ANK1: variants seen among roughly 807,000 people sequenced by gnomAD.
ANK1 encodes ankyrin-1.
ANK1 carries 51 observed loss-of-function variants against 210.4 expected under a neutral mutation model. The ratio of observed to expected loss-of-function variants is 0.24; its 90% confidence interval spans 0.19 to 0.31. The LOEUF is 0.31. Ranked by LOEUF, ANK1 falls within the 10% of genes least tolerant of loss-of-function variation. The probability of loss-of-function intolerance (pLI) is 1.00; values close to 1 mark genes in which losing one functional copy is unlikely to be tolerated. For synonymous variants in ANK1, 967 were observed against 1,025.9 expected (o/e 0.94, Z 1.10); for missense variants, 2,051 against 2,504.4 (o/e 0.82, Z 3.86).
intron 1 of ANK1, among the ~76,000 whole-genome samples, chr8:41,862,660 C>CAAAA (rs60114930): frequency 3.0e-5 from 3 of 99,640 alleles, no homozygotes; most frequent in Non-Finnish European, 6.5e-5. Context: ...GAGGCTCAGA[C>CAAAA]AAAAAAAAAA....
chr8:41,655,828 GTT>G, intron 42 of ANK1, 75 bp from the exon 43 acceptor site: 1 of 1,522,146 alleles, frequency 6.6e-7, no homozygotes, highest in East Asian at 2.3e-5. Context: ...CACACACAGA[GTT>G]TTGTGCTGGC....
At position 41,690,294 on chromosome 8, in the gene ANK1, G is replaced by A. The variant is rs886062939; in HGVS notation, c.4037C>T (p.Ala1346Val). 20 of 1,614,110 alleles carry A rather than the reference G, an allele frequency of 1.2e-5. No individual in the cohort carries two copies. The highest frequency in any genetic ancestry group is 1.6e-4 in the Middle Eastern group (1 of 6,084). The change falls in exon 33 of 43, where the codon GCG becomes GTG. Residue 1346 changes from alanine (A) to valine (V), a missense_variant. This residue lies in a region of ANK1 where 1,413 missense variants were observed against 1,707.4 expected (regional missense o/e 0.83). Coordinates refer to ENST00000289734, the MANE Select transcript of ANK1 (RefSeq NM_000037.4). ...PGGSLSFLRK[A>V]MKYEDTQHIL... is the part of the protein sequence containing the mutation. ...GTGCTGGGTGTCCTCGTACTTCATC[G>A]CCTTGCGCAGAAACGACAGGGACCC...
rs1262128295 is a variant in ANK1 at position 41,727,274 on chromosome 8, T to G, written c.402A>C (p.Gly134=). ...LEVVKFLLEN[G]ANQNVATEDG... ...CTTCTGTGGCTACATTCTGGTTAGC[T>G]CCATTTTCCAGTAAAAACTTAACCA... The change falls in exon 5 of 43, where the codon GGA becomes GGC. Residue 134 remains glycine, a synonymous_variant. Transcript: ENST00000289734. 1 of 1,614,188 alleles carries G rather than the reference T, an allele frequency of 6.2e-7. No individual in the cohort carries two copies. The highest frequency in any genetic ancestry group is 1.1e-5 in the South Asian group (1 of 91,082).
At chr8:41,788,967 A>T (rs923235444) in intron 1 of ANK1, 1 of 152,044 alleles carries the variant, frequency 6.6e-6, no homozygotes, top group Non-Finnish European at 1.5e-5. Context: ...TCTCCCAAAC[A>T]CACAAGCCAC....
At chr8:41,695,430 C>G in intron 26 of ANK1, 99 bp from the exon 27 acceptor site, 1 of 1,552,332 alleles carries the variant, frequency 6.4e-7, no homozygotes, top group Non-Finnish European at 8.8e-7. Flanking sequence ...ATGGATAAGG[C>G]ACTTCCGCAG....
intron 2 of ANK1, among the ~76,000 whole-genome samples, chr8:41,737,170 G>A (rs775569432): frequency 1.3e-5 from 2 of 152,070 alleles, no homozygotes; most frequent in Non-Finnish European, 2.9e-5. Context: ...GTGGTGACAC[G>A]CGTCTGTAGT....
chr8:41,804,199 G>T (rs1464134162), intron 1 of ANK1, among the ~76,000 whole-genome samples: 1 of 152,132 alleles, frequency 6.6e-6, no homozygotes, highest in Non-Finnish European at 1.5e-5. Flanking sequence ...ATCCTCAGAT[G>T]GCTGCTGGCA....
Position 41,661,991 on chromosome 8 carries a change from G to A in ANK1, c.5479-50C>T, listed in dbSNP as rs368867758. 1.8e-5 allele frequency: 29 copies of A among 1,596,142 alleles called. No homozygotes were observed. The East Asian group carries it at 5.6e-4, about 31-fold the overall frequency. ...AGGGCTGGTCAGGCCGGGCTCGGGG[G>A]CTCATGTCTGTAATCTCAGCACTTT... On this transcript the variant is annotated intron_variant, in intron 40 of 42. Coordinates refer to ENST00000289734, the MANE Select transcript of ANK1 (RefSeq NM_000037.4).
At chr8:41,707,938 G>GTGA (rs1458156606) in intron 17 of ANK1, among the ~76,000 whole-genome samples, 1 of 152,140 alleles carries the variant, frequency 6.6e-6, no homozygotes, top group African/African-American at 2.4e-5. Flanking sequence ...CACATTGCAT[G>GTGA]GTTCCACGTA....
At position 41,696,757 on chromosome 8, in the gene ANK1, T is replaced by C. The variant is rs375205043; in HGVS notation, c.2654A>G (p.Asp885Gly). ...EEQEQASKEY[D>G]EDSLIPSSPA... ...GCTGCTGGGGATGAGGGAGTCCTCA[T>C]CATACTCTTTAGATGCCTGAGGAGA... Residue 885 changes from aspartate (D) to glycine (G), a missense_variant, in exon 25 of 43, where the codon GAT (aspartate) becomes GGT (glycine). Transcript: ENST00000289734. The C allele has an allele frequency of 6.2e-7, 1 of 1,600,616 alleles. No individual in the cohort carries two copies. Among genetic ancestry groups the C allele is most frequent in the Non-Finnish European group, 8.5e-7 (1 of 1,179,836 alleles).
intron 38 of ANK1, 99 bp from the exon 39 acceptor site, chr8:41,668,663 G>C: frequency 7.6e-7 from 1 of 1,323,520 alleles, no homozygotes; most frequent in Non-Finnish European, 1.0e-6. Context: ...TCCCCACCCA[G>C]AGCTCTGGCT....
intron 16 of ANK1, among the ~76,000 whole-genome samples, chr8:41,710,658 C>T (rs1825875113): frequency 6.6e-6 from 1 of 152,252 alleles, no homozygotes; most frequent in Non-Finnish European, 1.5e-5. Flanking sequence ...CACCCAGGCC[C>T]ATAGCAGATG....
Position 41,688,503 on chromosome 8 carries a change from G to A in ANK1, c.4183+8C>T, listed in dbSNP as rs1385512332. 1 of 1,613,654 alleles carries A rather than the reference G, an allele frequency of 6.2e-7. No individual in the cohort carries two copies. Among genetic ancestry groups the A allele is most frequent in the Non-Finnish European group, 8.5e-7 (1 of 1,179,630 alleles). On this transcript the variant is annotated splice_region_variant and intron_variant, in intron 34 of 42. Transcript: ENST00000289734. ...GAGCAAGCATGCATCATCACACAGAGGCCGTACCTGGTGTGGACTCACTGA... is the reference window on the plus strand; with the variant it reads ...GAGCAAGCATGCATCATCACACAGAAGCCGTACCTGGTGTGGACTCACTGA...
At position 41,794,571 on chromosome 8, in the gene ANK1, C is replaced by T. The variant is rs533954614; in HGVS notation, c.27+2941G>A. The stretch of plus-strand genomic sequence containing the variant: ...CCTTTATTTTGTTTTTAGCCTGTTT[C>T]CTTCCCCTGCTGGGAAATAAGCTCT... On this transcript the variant is annotated intron_variant, in intron 1 of 42. Transcript: ENST00000289734. Among the ~76,000 whole-genome samples the T allele has an allele frequency of 8.5e-5, 13 of 152,354 alleles. No homozygotes were observed. The South Asian group carries it at 2.3e-3, about 27-fold the overall frequency.
intron 1 of ANK1, among the ~76,000 whole-genome samples, chr8:41,808,669 AAAT>A (rs755012506): frequency 1.0e-3 from 157 of 152,148 alleles, no homozygotes; most frequent in Middle Eastern, 3.4e-3. Context: ...CTGTCTAAAA[AAAT>A]AATAATAATA....
At position 41,699,516 on chromosome 8, in the gene ANK1, G is replaced by T; in HGVS notation, c.2494C>A (p.Arg832=). 1 of 1,614,134 alleles carries T rather than the reference G, an allele frequency of 6.2e-7. No individual in the cohort carries two copies. Among genetic ancestry groups the T allele is most frequent in the Non-Finnish European group, 8.5e-7 (1 of 1,180,036 alleles). The stretch of plus-strand genomic sequence containing the variant: ...TCTTCATCAACATCCCTGGAATCCC[G>T]CCTCTCAGCCTTGAAGCTGATGAGT... ...EELISFKAER[R]DSRDVDEEKE... The change falls in exon 23 of 43, where the codon CGG becomes AGG. Residue 832 remains arginine (R), a synonymous_variant. Coordinates refer to ENST00000289734, the MANE Select transcript of ANK1 (RefSeq NM_000037.4).
At chr8:41,807,939 G>A (rs989615735) in intron 1 of ANK1, among the ~76,000 whole-genome samples, 2 of 149,142 alleles carry the variant, frequency 1.3e-5, no homozygotes, top group Non-Finnish European at 3.0e-5. Context: ...GGAGGAGGGA[G>A]GGGAAGAGGA....
chr8:41,710,278 C>G (rs1825783585), intron 16 of ANK1, among the ~76,000 whole-genome samples: 1 of 152,160 alleles, frequency 6.6e-6, no homozygotes, highest in Admixed American at 6.5e-5. Flanking sequence ...GTCACTAGGG[C>G]AGGCATTTTT....
At chr8:41,664,998 A>C (rs1168046175) in intron 39 of ANK1, 2 of 1,614,040 alleles carry the variant, frequency 1.2e-6, no homozygotes, top group South Asian at 2.2e-5. Flanking sequence ...CAGCGTGACC[A>C]ACAGCTGGGT....
Sources: allele counts gnomAD v4.1 joint callset (sites outside exome capture counted in the v4.1 genomes callset), GRCh38; gene constraint gnomAD v4.1.1; regional missense constraint gnomAD v4.1.1; transcripts MANE v1.5; gene names NCBI Gene and HGNC (gene_info 2026-07-23, HGNC 2026-07-21).